Variants in PAX7 observed in about 807,000 individuals in gnomAD.
PAX7 encodes the protein paired box protein Pax-7.
A neutral mutation model predicts 50.7 loss-of-function variants in PAX7; 18 were observed. The observed-to-expected ratio is 0.36, with a 90% confidence interval of 0.25 to 0.53. PAX7 has a LOEUF of 0.53. Ranked by LOEUF, PAX7 falls within the 20% of genes least tolerant of loss-of-function variation. The pLI is 0.93. For synonymous variants in PAX7, 310 were observed against 290.4 expected (o/e 1.07, Z -0.69); for missense variants, 644 against 702.9 (o/e 0.92, Z 0.95).
intron 4 of PAX7, among the ~76,000 whole-genome samples, chr1:18,649,382 CAG>C (rs764957623): frequency 5.1e-4 from 77 of 152,248 alleles, no homozygotes; most frequent in Non-Finnish European, 9.6e-4. Flanking sequence ...GACTGAGGCA[CAG>C]AGAGTTGATT....
At chr1:18,714,967 A>C (rs1055762619) in intron 7 of PAX7, among the ~76,000 whole-genome samples, 20 of 152,362 alleles carry the variant, frequency 1.3e-4, no homozygotes, top group Middle Eastern at 3.4e-3. Context: ...TACAGCAGGC[A>C]GACTTAGAGT....
chr1:18,728,884 C>T (rs577021784), intron 7 of PAX7, among the ~76,000 whole-genome samples: 2 of 151,704 alleles, frequency 1.3e-5, no homozygotes, highest in Admixed American at 1.3e-4. Context: ...AAACAAAAAA[C>T]TCCTGACCCC....
intron 8 of PAX7, among the ~76,000 whole-genome samples, chr1:18,743,331 A>T (rs923222822): frequency 2.0e-5 from 3 of 152,236 alleles, no homozygotes; most frequent in Non-Finnish European, 4.4e-5. Flanking sequence ...ACTAGGCAAT[A>T]CAGCCTCCCG....
intron 4 of PAX7, among the ~76,000 whole-genome samples, chr1:18,646,917 C>T (rs1362270326): frequency 7.1e-6 from 1 of 140,430 alleles, no homozygotes; most frequent in Non-Finnish European, 1.5e-5. Flanking sequence ...CCGCCCGCGC[C>T]CGGGCTATTG....
rs113447875 is a variant in PAX7 at position 18,743,036 on chromosome 1, C to T, written c.1403-1778C>T. ...GCCACCTCATCTGCTGCTTCATCCCCTCCTGCCCCCATCAAAGGCCATGTT... is the reference window on the plus strand; with the variant it reads ...GCCACCTCATCTGCTGCTTCATCCCTTCCTGCCCCCATCAAAGGCCATGTT... On this transcript the variant is annotated intron_variant, in intron 8 of 8. Coordinates refer to ENST00000420770, the MANE Select transcript of PAX7 (RefSeq NM_001135254.2). 5.0e-3 allele frequency among the ~76,000 whole-genome samples: 762 copies of T among 152,298 alleles called. 5 individuals carry two copies. Among genetic ancestry groups the T allele is most frequent in the Non-Finnish European group, 8.0e-3 (545 of 68,028 alleles).
At chr1:18,643,402 A>T (rs2088288696) in intron 4 of PAX7, among the ~76,000 whole-genome samples, 1 of 152,134 alleles carries the variant, frequency 6.6e-6, no homozygotes, top group South Asian at 2.1e-4. Context: ...GCCACAGAGG[A>T]GGAGAGAGCT....
At position 18,739,974 on chromosome 1, in the gene PAX7, G is replaced by T. The variant is rs72943149; in HGVS notation, c.1402+4096G>T. Among the ~76,000 whole-genome samples, 691 of 152,282 alleles carry T rather than the reference G, an allele frequency of 4.5e-3. 8 individuals carry two copies. Among genetic ancestry groups the T allele is most frequent in the African/African-American group, 0.016 (650 of 41,542 alleles). The stretch of plus-strand genomic sequence containing the variant: ...TCTAATAAGAATTTGTGTCTAGAAG[G>T]GTCCTCCTCTGGGGCTGCGGGCTGA... On this transcript the variant is annotated intron_variant, in intron 8 of 8. Transcript: ENST00000420770.
intron 4 of PAX7, among the ~76,000 whole-genome samples, chr1:18,667,006 G>A (rs562319392): frequency 1.3e-5 from 2 of 152,234 alleles, no homozygotes; most frequent in African/African-American, 2.4e-5. Context: ...TCCCTGAGAC[G>A]CTCCGTAGCT....
At chr1:18,681,030 G>A (rs931224450) in intron 4 of PAX7, among the ~76,000 whole-genome samples, 16 of 151,988 alleles carry the variant, frequency 1.1e-4, no homozygotes, top group African/African-American at 3.9e-4. Flanking sequence ...AGCCAGGCAT[G>A]GTGGCACATG....
chr1:18,682,743 T>C (rs1316136391), intron 4 of PAX7, among the ~76,000 whole-genome samples: 1 of 152,154 alleles, frequency 6.6e-6, no homozygotes, highest in Non-Finnish European at 1.5e-5. Flanking sequence ...GCTGTGGCCT[T>C]AAGACATTCT....
intron 8 of PAX7, among the ~76,000 whole-genome samples, chr1:18,737,057 G>A (rs942633857): frequency 1.3e-5 from 2 of 152,256 alleles, no homozygotes; most frequent in Non-Finnish European, 2.9e-5. Flanking sequence ...CTTGAGGCAG[G>A]GACCGTGGAT....
At chr1:18,740,007 C>T (rs953025541) in intron 8 of PAX7, among the ~76,000 whole-genome samples, 2 of 152,206 alleles carry the variant, frequency 1.3e-5, no homozygotes, top group Non-Finnish European at 2.9e-5. Context: ...TGACGAGGCG[C>T]TGACGGCTGA....
intron 7 of PAX7, among the ~76,000 whole-genome samples, chr1:18,711,031 G>A (rs977471025): frequency 3.9e-5 from 6 of 152,158 alleles, no homozygotes; most frequent in African/African-American, 1.4e-4. Context: ...GTCTCCTGCT[G>A]CCCGCTTCCT....
intron 3 of PAX7, among the ~76,000 whole-genome samples, chr1:18,635,785 TGA>T (rs898206845): frequency 6.6e-6 from 1 of 151,922 alleles, no homozygotes; most frequent in Admixed American, 6.6e-5. Flanking sequence ...ATACTGCCTG[TGA>T]GAGAGAAAGT....
At chr1:18,644,526 A>G (rs1557505841) in intron 4 of PAX7, among the ~76,000 whole-genome samples, 2 of 152,028 alleles carry the variant, frequency 1.3e-5, no homozygotes, top group African/African-American at 2.4e-5. Flanking sequence ...TACAGGCAGA[A>G]TTTTTCATCT....
intron 4 of PAX7, among the ~76,000 whole-genome samples, chr1:18,674,648 G>A (rs1484588573): frequency 1.3e-5 from 2 of 152,220 alleles, no homozygotes; most frequent in Non-Finnish European, 2.9e-5. Context: ...AAAAGATCCA[G>A]GGCTTTGGAG....
At position 18,636,067 on chromosome 1, in the gene PAX7, G is replaced by A. The variant is rs1188627034; in HGVS notation, c.452-170G>A. ...GTGAGTCAGGCTTCTCCAAGTGGAT[G>A]CTGGTTATGGAGTACGTGTCAATGC... On this transcript the variant is annotated intron_variant, in intron 3 of 8. Transcript: ENST00000420770. This position sits in a 1 kb window ranked among gnomAD's most constrained non-coding sequence, Gnocchi z 5.1. Among the ~76,000 whole-genome samples the A allele has an allele frequency of 6.6e-6, 1 of 152,212 alleles. No individual in the cohort carries two copies. The highest frequency in any genetic ancestry group is 1.5e-5 in the Non-Finnish European group (1 of 68,040).
chr1:18,699,874 G>A (rs1378099713), intron 5 of PAX7, among the ~76,000 whole-genome samples: 11 of 152,086 alleles, frequency 7.2e-5, no homozygotes, highest in African/African-American at 2.7e-4. Context: ...CTGATTTTAA[G>A]TTTGAACCTC....
rs758921663 is a variant in PAX7, at chr1:18,735,864, G to A, written c.1388G>A (p.Gly463Asp). ...SVDPVAGYQYGQYGQTAVDYL... is the reference protein window; with the variant it reads ...SVDPVAGYQYDQYGQTAVDYL... Reference sequence around the variant, plus strand: ...GACCCCGTGGCCGGCTATCAGTACGGCCAGTACGGCCAGAGTGAGTGCCTG... The same window carrying A: ...GACCCCGTGGCCGGCTATCAGTACGACCAGTACGGCCAGAGTGAGTGCCTG... The change falls in exon 8 of 9, where the codon GGC becomes GAC. Residue 463 changes from glycine to aspartate, a missense_variant. Physicochemically the swap from Gly to Asp is moderately conservative, Grantham distance 94. Coordinates refer to ENST00000420770, the MANE Select transcript of PAX7 (RefSeq NM_001135254.2). This position sits in a 1 kb window ranked among gnomAD's most constrained non-coding sequence, Gnocchi z 4.0. The A allele has an allele frequency of 4.3e-6, 7 of 1,613,880 alleles. No homozygotes were observed. Among genetic ancestry groups the A allele is most frequent in the Non-Finnish European group, 5.9e-6 (7 of 1,180,028 alleles).
Sources: allele counts gnomAD v4.1 joint callset (sites outside exome capture counted in the v4.1 genomes callset), GRCh38; gene constraint gnomAD v4.1.1; non-coding constraint Gnocchi (gnomAD v3.1); transcripts MANE v1.5; gene names NCBI Gene and HGNC (gene_info 2026-07-23, HGNC 2026-07-21).